Variants in GPC3 observed in about 807,000 individuals in gnomAD.
GPC3 encodes glypican-3.
In GPC3, 3 loss-of-function variants were observed where a neutral mutation model predicts 34.4. That is an observed-to-expected ratio of 0.09 (90% confidence interval 0.04 to 0.23). The LOEUF (loss-of-function observed/expected upper bound fraction) is 0.23. Ranked by LOEUF, GPC3 falls within the 10% of genes least tolerant of loss-of-function variation. The pLI is 1.00. For missense variants in GPC3, 351 were observed against 445.6 expected (o/e 0.79, Z 1.91); for synonymous variants, 177 against 174.0 (o/e 1.02, Z -0.13).
At chrX:133,836,722 C>G in intron 2 of GPC3, among the ~76,000 whole-genome samples, 1 of 111,846 alleles carries the variant, frequency 8.9e-6, no homozygotes, top group Middle Eastern at 4.6e-3. Context: ...TACGGACTTT[C>G]TGTTTCGGGA....
chrX:133,612,631 G>A (rs750038748), intron 6 of GPC3, among the ~76,000 whole-genome samples: 33 of 110,942 alleles, frequency 3.0e-4, no homozygotes, highest in Non-Finnish European at 5.3e-4. Flanking sequence ...CCTCTTCCAT[G>A]CTTCAGGTCC....
chrX:133,659,182 C>T (rs1241828721), intron 6 of GPC3, among the ~76,000 whole-genome samples: 1 of 112,429 alleles, frequency 8.9e-6, no homozygotes, highest in East Asian at 2.8e-4. Context: ...AGAACTAAAG[C>T]TCAGAGAGGT....
At chrX:133,776,926 C>T (rs2071990609) in intron 2 of GPC3, among the ~76,000 whole-genome samples, 1 of 99,198 alleles carries the variant, frequency 1.0e-5, no homozygotes, top group African/African-American at 3.7e-5. Context: ...GTCGCCCGCG[C>T]TGGAGTGCAG....
At chrX:133,855,194 GT>G (rs2075894274) in intron 2 of GPC3, among the ~76,000 whole-genome samples, 1 of 110,248 alleles carries the variant, frequency 9.1e-6, no homozygotes, top group Non-Finnish European at 1.9e-5. Context: ...ACAGGGTCCT[GT>G]TTTGTCACCC....
chrX:133,629,512 C>T (rs1475100764), intron 6 of GPC3, among the ~76,000 whole-genome samples: 1 of 110,501 alleles, frequency 9.0e-6, no homozygotes, highest in Non-Finnish European at 1.9e-5. Context: ...TCTCCTGCCT[C>T]GGCCTCCCAA....
chrX:133,653,693 C>T (rs1389768712), intron 6 of GPC3, among the ~76,000 whole-genome samples: 3 of 112,058 alleles, frequency 2.7e-5, no homozygotes, highest in African/African-American at 6.5e-5. Context: ...ACTTGTTAGG[C>T]CCAAACTTAG....
At chrX:133,624,592 C>T in intron 6 of GPC3, among the ~76,000 whole-genome samples, 1 of 111,459 alleles carries the variant, frequency 9.0e-6, no homozygotes, top group Non-Finnish European at 1.9e-5. Flanking sequence ...CACATACACC[C>T]TCCCAAGACT....
intron 6 of GPC3, among the ~76,000 whole-genome samples, chrX:133,634,012 A>T (rs1010819588): frequency 3.6e-5 from 4 of 112,213 alleles, no homozygotes; most frequent in African/African-American, 1.3e-4. Context: ...AATATCCATT[A>T]AAAACTATTT....
intron 2 of GPC3, among the ~76,000 whole-genome samples, chrX:133,853,527 C>G (rs2075885588): frequency 8.9e-6 from 1 of 112,054 alleles, no homozygotes; most frequent in South Asian, 3.7e-4. Context: ...TCCAGATGCT[C>G]AGGTTTGAAT....
intron 2 of GPC3, among the ~76,000 whole-genome samples, chrX:133,888,240 A>G (rs936372477): frequency 3.0e-4 from 33 of 111,322 alleles, no homozygotes; most frequent in Non-Finnish European, 5.3e-4. Flanking sequence ...ATGTCCCTGC[A>G]AAGGACATGA....
At chrX:133,965,953 G>A (rs779920481) in intron 1 of GPC3, among the ~76,000 whole-genome samples, 21 of 111,243 alleles carry the variant, frequency 1.9e-4, no homozygotes, top group Non-Finnish European at 3.6e-4. Context: ...TTAAAAAGGG[G>A]GGAAAGATCA....
chrX:133,935,704 G>T (rs772625313), intron 2 of GPC3, among the ~76,000 whole-genome samples: 1 of 111,195 alleles, frequency 9.0e-6, no homozygotes, highest in South Asian at 3.8e-4. Context: ...ATGACGTCTA[G>T]AGGATATAAT....
intron 1 of GPC3, among the ~76,000 whole-genome samples, chrX:133,970,358 A>G (rs1160805539): frequency 9.0e-6 from 1 of 111,618 alleles, no homozygotes; most frequent in Non-Finnish European, 1.9e-5. Context: ...TGACTTTCAC[A>G]GTTTATATTT....
chrX:133,947,781 C>T (rs759425594), intron 2 of GPC3, among the ~76,000 whole-genome samples: 8 of 111,737 alleles, frequency 7.2e-5, no homozygotes, highest in Middle Eastern at 4.6e-3. Context: ...TACAGATGAG[C>T]GGTTTGATTA....
chrX:133,754,034 G>A lies in GPC3; in HGVS notation c.480C>T (p.Asp160=), dbSNP rs970592059. 1 of 1,208,182 alleles carries A rather than the reference G, an allele frequency of 8.3e-7. No individual in the cohort carries two copies. The highest frequency in any genetic ancestry group is 1.8e-5 in the African/African-American group (1 of 57,047). The part of the protein sequence containing the change: ...TDVSLYILGS[D]INVDDMVNEL... ...CATTGACCATGTCATCTACATTGAT[G>A]TCAGAACCCAAGATGTAGAGAGACA... Residue 160 remains aspartate, a synonymous_variant, in exon 3 of 8, where the codon GAC becomes GAT. Coordinates refer to ENST00000370818, the MANE Select transcript of GPC3 (RefSeq NM_004484.4).
intron 2 of GPC3, among the ~76,000 whole-genome samples, chrX:133,922,015 G>T (rs1230762060): frequency 8.9e-6 from 1 of 112,380 alleles, no homozygotes; most frequent in Non-Finnish European, 1.9e-5. Context: ...GCCCTCTGCT[G>T]CCCTCTAGCA....
At chrX:133,552,962 T>C (rs2069449261) in intron 7 of GPC3, among the ~76,000 whole-genome samples, 1 of 111,578 alleles carries the variant, frequency 9.0e-6, no homozygotes, top group Non-Finnish European at 1.9e-5. Flanking sequence ...CTCACGGCTA[T>C]AAAGATGTGA....
At chrX:133,931,136 G>A (rs2076296803) in intron 2 of GPC3, among the ~76,000 whole-genome samples, 1 of 111,378 alleles carries the variant, frequency 9.0e-6, no homozygotes, top group Admixed American at 9.6e-5. Context: ...GGGTTGCTGT[G>A]AGGATTCAAT....
intron 3 of GPC3, among the ~76,000 whole-genome samples, chrX:133,716,588 A>G (rs1449445653): frequency 8.9e-6 from 1 of 112,378 alleles, no homozygotes; most frequent in East Asian, 2.8e-4. Flanking sequence ...AAGAAACAAT[A>G]ATCACATTTG....
Sources: gnomAD v4.1 joint callset for allele counts (sites outside exome capture counted in the v4.1 genomes callset) on GRCh38, gnomAD v4.1.1 for gene constraint, MANE v1.5 for transcripts, NCBI Gene and HGNC (gene_info 2026-07-23, HGNC 2026-07-21) for gene names.